CALN1: variants seen among roughly 807,000 people sequenced by gnomAD.
The protein encoded by CALN1 is calneuron 1.
A neutral mutation model predicts 30.6 loss-of-function variants in CALN1; 17 were observed. The observed-to-expected ratio is 0.56, with a 90% CI of 0.38 to 0.83. CALN1 has a LOEUF of 0.83. Among genes scored for constraint, CALN1 ranks in the 40% least tolerant of loss-of-function variants. CALN1 has a pLI of 0.00. For synonymous variants in CALN1, 156 were observed against 131.4 expected (o/e 1.19, Z -1.28); for missense variants, 291 against 354.9 (o/e 0.82, Z 1.45).
rs547687621 is a variant in CALN1 at position 71,815,725 on chromosome 7, TCTTCCTTCCTTC to T, written c.502-5245_502-5234del. Among the ~76,000 whole-genome samples, 748 of 150,806 alleles carry T rather than the reference TCTTCCTTCCTTC, an allele frequency of 5.0e-3. 4 individuals carry two copies. Among genetic ancestry groups the T allele is most frequent in the African/African-American group, 0.016 (675 of 41,116 alleles). ...CCCTGCCTCCCTTCCATCCTTCCTTTCTTCCTTCCTTCCTTCCATTCCCTTCCTCCTTCTTTC... is the reference window on the plus strand; with the variant it reads ...CCCTGCCTCCCTTCCATCCTTCCTTTCTTCCATTCCCTTCCTCCTTCTTTC... On this transcript the variant is annotated intron_variant, in intron 5 of 6. Coordinates refer to ENST00000395275, the MANE Select transcript of CALN1 (RefSeq NM_031468.4).
At chr7:71,790,877 G>T (rs553344619) in intron 6 of CALN1, among the ~76,000 whole-genome samples, 2 of 152,306 alleles carry the variant, frequency 1.3e-5, no homozygotes, top group East Asian at 3.9e-4. Context: ...GTGTGTGTGT[G>T]TGTTGTTGGG....
intron 4 of CALN1, among the ~76,000 whole-genome samples, chr7:72,068,418 T>G (rs1366851787): frequency 6.6e-6 from 1 of 152,192 alleles, no homozygotes; most frequent in Non-Finnish European, 1.5e-5. Context: ...CATGATGAAG[T>G]TAAACAAATC....
chr7:71,955,808 A>C (rs1324586838), intron 5 of CALN1, among the ~76,000 whole-genome samples: 1 of 151,902 alleles, frequency 6.6e-6, no homozygotes, highest in African/African-American at 2.4e-5. Context: ...GACCAAGCAG[A>C]CAGACAACCT....
chr7:72,130,812 G>C (rs1333347755), intron 3 of CALN1, among the ~76,000 whole-genome samples: 2 of 152,212 alleles, frequency 1.3e-5, no homozygotes, highest in African/African-American at 4.8e-5. Flanking sequence ...GGTTATTGCT[G>C]AAGGATGGGA....
At position 72,379,367 on chromosome 7, in the gene CALN1, G is replaced by T. The variant is rs1267755818; in HGVS notation, c.119+23884C>A. ...ATTAAAGGGTTAAACCCTAAATAAA[G>T]TATATCCAATTAATGGCAATGGTAA... is the stretch of plus-strand genomic sequence containing the variant. On this transcript the variant is annotated intron_variant, in intron 2 of 6. Coordinates refer to ENST00000395275, the MANE Select transcript of CALN1 (RefSeq NM_031468.4). 2.0e-5 allele frequency among the ~76,000 whole-genome samples: 3 copies of T among 152,198 alleles called. No homozygotes were observed. In the East Asian group the frequency reaches 5.8e-4, roughly 29 times the overall value.
At chr7:71,955,123 C>T (rs997086063) in intron 5 of CALN1, among the ~76,000 whole-genome samples, 43 of 151,972 alleles carry the variant, frequency 2.8e-4, no homozygotes, top group African/African-American at 6.5e-4. Context: ...TGGCAGAAGA[C>T]GAAGGAAAAG....
intron 2 of CALN1, among the ~76,000 whole-genome samples, chr7:72,395,350 C>T (rs1317470688): frequency 3.0e-5 from 3 of 99,986 alleles, no homozygotes; most frequent in African/African-American, 1.2e-4. Context: ...ACACGCTGCG[C>T]ACGCGCGCGC....
intron 5 of CALN1, among the ~76,000 whole-genome samples, chr7:71,999,915 T>A (rs1799442791): frequency 6.6e-6 from 1 of 151,808 alleles, no homozygotes. Context: ...TCACACAGAA[T>A]ATGTTACCTG....
upstream of CALN1, among the ~76,000 whole-genome samples, chr7:72,447,800 T>C (rs73366923): frequency 0.015 from 2,254 of 146,656 alleles, 56 homozygotes; most frequent in African/African-American, 0.054. Context: ...TGCTCGTGTA[T>C]ATGCATACAC....
At chr7:72,334,525 C>A (rs1801882492) in intron 2 of CALN1, among the ~76,000 whole-genome samples, 1 of 152,066 alleles carries the variant, frequency 6.6e-6, no homozygotes, top group Non-Finnish European at 1.5e-5. Context: ...AACCTGTACC[C>A]CCCCTCCCCT....
chr7:72,411,721 A>G (rs1019715715), intron 1 of CALN1, among the ~76,000 whole-genome samples: 12 of 152,348 alleles, frequency 7.9e-5, no homozygotes, highest in Middle Eastern at 3.4e-3. Flanking sequence ...GACACAGCCA[A>G]TCACCAAATA....
chr7:72,205,000 C>A (rs768652834), intron 3 of CALN1, among the ~76,000 whole-genome samples: 23 of 152,056 alleles, frequency 1.5e-4, no homozygotes, highest in Non-Finnish European at 2.9e-5. Context: ...CACAGCATTG[C>A]CAACAATGGA....
At chr7:72,119,455 A>T (rs777977048) in intron 3 of CALN1, among the ~76,000 whole-genome samples, 1 of 152,034 alleles carries the variant, frequency 6.6e-6, no homozygotes, top group African/African-American at 2.4e-5. Context: ...TTGGAATTCA[A>T]GATGAGATTT....
chr7:72,358,679 G>A (rs954810968), intron 2 of CALN1, among the ~76,000 whole-genome samples: 2 of 152,050 alleles, frequency 1.3e-5, no homozygotes, highest in Admixed American at 6.5e-5. Flanking sequence ...GGCCAGGCGC[G>A]GTGGCTCACA....
intron 5 of CALN1, among the ~76,000 whole-genome samples, chr7:72,007,241 T>C (rs1178519226): frequency 6.6e-6 from 1 of 152,214 alleles, no homozygotes; most frequent in Non-Finnish European, 1.5e-5. Context: ...GAAGTGATGC[T>C]TGCAACTTCT....
chr7:71,935,128 T>G (rs978633075), intron 5 of CALN1, among the ~76,000 whole-genome samples: 2 of 152,054 alleles, frequency 1.3e-5, no homozygotes, highest in Non-Finnish European at 2.9e-5. Context: ...GTAGCACTGG[T>G]GTAGATGTTG....
the CALN1 span, among the ~76,000 whole-genome samples, chr7:72,459,417 C>T: frequency 6.6e-6 from 1 of 152,018 alleles, no homozygotes; most frequent in Non-Finnish European, 1.5e-5. Flanking sequence ...TCTCATTTTC[C>T]TGACATTGCC....
chr7:72,234,625 T>A (rs919777920), intron 3 of CALN1, among the ~76,000 whole-genome samples: 3 of 152,130 alleles, frequency 2.0e-5, no homozygotes, highest in Admixed American at 1.3e-4. Context: ...TTTTGTATTT[T>A]AGTAGAGATG....
chr7:72,219,339 C>A (rs1202115017), intron 3 of CALN1, among the ~76,000 whole-genome samples: 1 of 152,196 alleles, frequency 6.6e-6, no homozygotes, highest in African/African-American at 2.4e-5. Flanking sequence ...GATCCTCCAA[C>A]TTCAGCCTAA....
Sources: allele counts gnomAD v4.1 joint callset (sites outside exome capture counted in the v4.1 genomes callset), GRCh38; gene constraint gnomAD v4.1.1; transcripts MANE v1.5; gene names NCBI Gene and HGNC (gene_info 2026-07-23, HGNC 2026-07-21).